The following MAGI2 variants were observed in gnomAD, a reference collection of about 807,000 sequenced individuals.
MAGI2 encodes the protein membrane-associated guanylate kinase, WW and PDZ domain-containing protein 2.
Under a neutral mutation model 133.3 loss-of-function variants are expected in MAGI2, and 35 were observed. The ratio of observed to expected loss-of-function variants is 0.26; its 90% CI spans 0.20 to 0.35. MAGI2 has a LOEUF of 0.35. Among genes scored for constraint, MAGI2 ranks in the 10% least tolerant of loss-of-function variants. The probability of loss-of-function intolerance (pLI) is 1.00; values close to 1 mark genes in which losing one functional copy is unlikely to be tolerated. For synonymous variants in MAGI2, 729 were observed against 710.6 expected, an observed-to-expected ratio of 1.03 and a Z score of -0.41; for missense variants, 1,636 against 1,863.4, an observed-to-expected ratio of 0.88 and a Z score of 2.25.
In MAGI2 at chr7:78,639,148, T is replaced by A. The variant is rs1310501496; in HGVS notation, c.419-11909A>T. Reference sequence around the variant, plus strand: ...CACTGTTAGAATCTTGCAATGACATTAACTTTTAGTATCACCATTATGTCC... The same window carrying A: ...CACTGTTAGAATCTTGCAATGACATAAACTTTTAGTATCACCATTATGTCC... On this transcript the variant is annotated intron_variant, in intron 2 of 21. Transcript: ENST00000354212. Among the ~76,000 whole-genome samples the A allele has an allele frequency of 2.0e-5, 3 of 152,176 alleles. No homozygotes were observed. The East Asian group carries it at 5.8e-4, about 29-fold the overall frequency.
intron 1 of MAGI2, among the ~76,000 whole-genome samples, chr7:79,013,823 T>A (rs112468010): frequency 7.9e-5 from 12 of 152,278 alleles, no homozygotes; most frequent in African/African-American, 2.9e-4. Flanking sequence ...CTTCCCCTAA[T>A]AATTCCCAAT....
At chr7:78,266,562 G>A (rs1260235562) in intron 9 of MAGI2, among the ~76,000 whole-genome samples, 8 of 149,858 alleles carry the variant, frequency 5.3e-5, no homozygotes, top group African/African-American at 9.8e-5. Context: ...TGAAATTGAC[G>A]TAGAAGAGGG....
At chr7:78,878,142 C>T (rs1308254353) in intron 2 of MAGI2, among the ~76,000 whole-genome samples, 2 of 152,196 alleles carry the variant, frequency 1.3e-5, no homozygotes, top group African/African-American at 4.8e-5. Flanking sequence ...TACCACATTA[C>T]ATCTGTTACA....
intron 1 of MAGI2, among the ~76,000 whole-genome samples, chr7:79,430,639 G>T (rs140808477): frequency 6.6e-6 from 1 of 152,008 alleles, no homozygotes; most frequent in African/African-American, 2.4e-5. Flanking sequence ...CAAAACCACC[G>T]CAGATATGTA....
At chr7:78,522,488 T>C (rs1449922217) in intron 3 of MAGI2, among the ~76,000 whole-genome samples, 1 of 152,154 alleles carries the variant, frequency 6.6e-6, no homozygotes, top group Admixed American at 6.5e-5. Context: ...AAGCAATTCT[T>C]GTGCCTCAGC....
intron 3 of MAGI2, among the ~76,000 whole-genome samples, chr7:78,561,120 C>T (rs1265157181): frequency 3.3e-5 from 5 of 151,952 alleles, no homozygotes; most frequent in African/African-American, 9.7e-5. Context: ...TGAACACACA[C>T]GTGTCAGGAT....
chr7:79,022,912 C>T (rs1809488131), intron 1 of MAGI2, among the ~76,000 whole-genome samples: 1 of 152,128 alleles, frequency 6.6e-6, no homozygotes, highest in Admixed American at 6.5e-5. Flanking sequence ...CTGCCAAATT[C>T]TACCAGATAT....
rs923964749 is a variant in MAGI2, at chr7:78,437,426, T to G, written c.1045+52335A>C. 2.0e-5 allele frequency among the ~76,000 whole-genome samples: 3 copies of G among 152,190 alleles called. No individual in the cohort carries two copies. The South Asian group carries it at 6.2e-4, about 31-fold the overall frequency. ...CACTGAGGGCATAACAGATTCTAAA[T>G]AGAAAGCAGTGGTACAAAGCAGGGC... is the stretch of plus-strand genomic sequence containing the variant. On this transcript the variant is annotated intron_variant, in intron 6 of 21. Coordinates refer to ENST00000354212, the MANE Select transcript of MAGI2 (RefSeq NM_012301.4).
At chr7:78,680,366 G>T (rs921462128) in intron 2 of MAGI2, among the ~76,000 whole-genome samples, 1 of 152,110 alleles carries the variant, frequency 6.6e-6, no homozygotes, top group South Asian at 2.1e-4. Flanking sequence ...GAATGCTAGG[G>T]TTCCTTAGGG....
At chr7:78,588,346 A>G (rs1803634537) in intron 3 of MAGI2, among the ~76,000 whole-genome samples, 1 of 152,188 alleles carries the variant, frequency 6.6e-6, no homozygotes, top group African/African-American at 2.4e-5. Context: ...TCCCCAGGAG[A>G]CAATTTAATA....
intron 1 of MAGI2, among the ~76,000 whole-genome samples, chr7:79,163,721 G>C (rs763117819): frequency 1.3e-5 from 2 of 151,920 alleles, no homozygotes; most frequent in Admixed American, 6.6e-5. Flanking sequence ...ATTATTTTTT[G>C]GCTGCTTGGG....
At chr7:78,471,194 A>G (rs891821512) in intron 6 of MAGI2, among the ~76,000 whole-genome samples, 6 of 152,178 alleles carry the variant, frequency 3.9e-5, no homozygotes, top group Non-Finnish European at 5.9e-5. Context: ...GATCTTTTAT[A>G]AGAGGAAATT....
intron 6 of MAGI2, among the ~76,000 whole-genome samples, chr7:78,439,338 C>T (rs1021535973): frequency 6.6e-6 from 1 of 151,972 alleles, no homozygotes; most frequent in Non-Finnish European, 1.5e-5. Context: ...TACAGTCAAG[C>T]TATGAGGACA....
rs1795837669 is a variant in MAGI2 at position 78,514,086 on chromosome 7, C to CCAAA, written c.754+7343_754+7344insTTTG. Among the ~76,000 whole-genome samples, 4 of 47,200 alleles carry CCAAA rather than the reference C, an allele frequency of 8.5e-5. No homozygotes were observed. The South Asian group carries it at 4.3e-3, about 51-fold the overall frequency. The allele number at this position is 47,200 out of a possible 152,430, so 31.0% of individuals were successfully genotyped here. On this transcript the variant is annotated intron_variant, in intron 4 of 21. Coordinates refer to ENST00000354212, the MANE Select transcript of MAGI2 (RefSeq NM_012301.4). ...CTGGGCAACAAGAGTGAAACTGTCT[C>CCAAA]AAAAAAAAAAAAAAAAAAAAAAAAA...
intron 1 of MAGI2, among the ~76,000 whole-genome samples, chr7:79,282,910 C>CAA (rs1442666887): frequency 1.9e-5 from 2 of 106,056 alleles, no homozygotes; most frequent in Non-Finnish European, 4.5e-5. Context: ...ATATATAACA[C>CAA]TTTACAAATG....
chr7:78,636,886 CA>C (rs1242295780), intron 2 of MAGI2, among the ~76,000 whole-genome samples: 2 of 152,126 alleles, frequency 1.3e-5, no homozygotes, highest in Non-Finnish European at 2.9e-5. Context: ...CTTGTTAAAG[CA>C]CAGATAGCTG....
At chr7:78,209,934 C>T (rs1787605944) in intron 10 of MAGI2, among the ~76,000 whole-genome samples, 2 of 152,110 alleles carry the variant, frequency 1.3e-5, no homozygotes, top group African/African-American at 4.8e-5. Flanking sequence ...CTTTATTTGT[C>T]CACTCTTTCT....
chr7:78,931,058 C>A (rs1253580447), intron 2 of MAGI2, among the ~76,000 whole-genome samples: 1 of 152,048 alleles, frequency 6.6e-6, no homozygotes, highest in African/African-American at 2.4e-5. Flanking sequence ...AACGCAGAAG[C>A]AGTGACAGAT....
intron 1 of MAGI2, among the ~76,000 whole-genome samples, chr7:79,321,083 C>A (rs529768662): frequency 6.6e-6 from 1 of 152,220 alleles, no homozygotes; most frequent in South Asian, 2.1e-4. Context: ...ATTTGGATAA[C>A]AATATGCAGT....
Sources: gnomAD v4.1 joint callset for allele counts (sites outside exome capture counted in the v4.1 genomes callset) on GRCh38, gnomAD v4.1.1 for gene constraint, MANE v1.5 for transcripts, NCBI Gene and HGNC (gene_info 2026-07-23, HGNC 2026-07-21) for gene names.